The following ARB2A variants were observed in gnomAD, a reference collection of about 807,000 sequenced individuals.
ARB2A encodes ARB2 cotranscriptional regulator A, also known as cotranscriptional regulator ARB2A.
the ARB2A span, among the ~76,000 whole-genome samples, chr5:93,662,694 C>T: frequency 6.6e-6 from 1 of 152,196 alleles, no homozygotes; most frequent in Admixed American, 6.5e-5. Flanking sequence ...ATTACAATTA[C>T]TGTCCCTCCC....
chr5:93,839,596 G>A, the ARB2A span, among the ~76,000 whole-genome samples: 1 of 152,094 alleles, frequency 6.6e-6, no homozygotes, highest in South Asian at 2.1e-4. Flanking sequence ...AAGTAGGAGT[G>A]GTAGCAGCTC....
At chr5:93,884,103 AAG>A in the ARB2A span, among the ~76,000 whole-genome samples, 17 of 151,650 alleles carry the variant, frequency 1.1e-4, no homozygotes, top group African/African-American at 4.1e-4. Context: ...CTCAAGGTAA[AAG>A]AGTGGGACTT....
chr5:93,969,119 C>T, the ARB2A span, among the ~76,000 whole-genome samples: 12 of 142,922 alleles, frequency 8.4e-5, no homozygotes, highest in Non-Finnish European at 1.7e-4. Context: ...TTTGGATCAA[C>T]ACAAAGAAAC....
At chr5:93,929,711 C>A in the ARB2A span, among the ~76,000 whole-genome samples, 4 of 152,006 alleles carry the variant, frequency 2.6e-5, no homozygotes, top group Non-Finnish European at 2.9e-5. Flanking sequence ...CTTTTAGGTA[C>A]AAATTCTCAG....
At chr5:93,909,075 T>C in the ARB2A span, among the ~76,000 whole-genome samples, 6 of 150,970 alleles carry the variant, frequency 4.0e-5, no homozygotes, top group South Asian at 2.1e-4. Context: ...GATAGAGAAA[T>C]TGTGAATAAG....
At chr5:94,089,824 T>C in the ARB2A span, among the ~76,000 whole-genome samples, 2 of 152,208 alleles carry the variant, frequency 1.3e-5, no homozygotes, top group African/African-American at 2.4e-5. Flanking sequence ...ATGGTAGTTA[T>C]ATACTATACA....
At chr5:93,991,407 G>T in the ARB2A span, among the ~76,000 whole-genome samples, 3 of 151,896 alleles carry the variant, frequency 2.0e-5, no homozygotes, top group Non-Finnish European at 2.9e-5. Context: ...AATTACTAGA[G>T]AAATTCACAG....
the ARB2A span, among the ~76,000 whole-genome samples, chr5:93,850,951 T>C: frequency 2.0e-4 from 30 of 152,340 alleles, no homozygotes; most frequent in East Asian, 4.4e-3. Context: ...ATTAAGTATG[T>C]TTACATTAAA....
the ARB2A span, among the ~76,000 whole-genome samples, chr5:93,915,180 C>G: frequency 1.3e-5 from 2 of 151,844 alleles, no homozygotes; most frequent in African/African-American, 4.8e-5. Flanking sequence ...TATCAATGAC[C>G]ACAAGTTTTT....
chr5:93,794,603 AG>A, the ARB2A span, among the ~76,000 whole-genome samples: 168 of 152,286 alleles, frequency 1.1e-3, 1 homozygote, highest in African/African-American at 3.6e-3. Flanking sequence ...TTTGTCCCAC[AG>A]GGTGCTCCCT....
At chr5:94,052,801 A>G in the ARB2A span, among the ~76,000 whole-genome samples, 2 of 152,202 alleles carry the variant, frequency 1.3e-5, no homozygotes, top group Admixed American at 6.5e-5. Context: ...TAATTTAATT[A>G]GGAGTTCAAA....
At chr5:93,738,589 T>G in the ARB2A span, 1 of 152,176 alleles carries the variant, frequency 6.6e-6, no homozygotes, top group African/African-American at 2.4e-5. Flanking sequence ...ATAAACAAAA[T>G]GTGGTATATA....
the ARB2A span, among the ~76,000 whole-genome samples, chr5:93,803,286 T>C: frequency 6.6e-6 from 1 of 152,048 alleles, no homozygotes; most frequent in African/African-American, 2.4e-5. Context: ...TGTTATGTTC[T>C]TTCATGTCTT....
chr5:93,921,642 C>G, the ARB2A span, among the ~76,000 whole-genome samples: 6 of 151,942 alleles, frequency 3.9e-5, no homozygotes, highest in Non-Finnish European at 8.8e-5. Context: ...AAGTGAGCAC[C>G]AGAATTTAAG....
the ARB2A span, among the ~76,000 whole-genome samples, chr5:93,628,125 A>G: frequency 7.7e-6 from 1 of 129,936 alleles, no homozygotes; most frequent in Non-Finnish European, 1.5e-5. Context: ...ATCTTGGCTC[A>G]CTGCAACCTC....
chr5:93,933,419 T>C, the ARB2A span, among the ~76,000 whole-genome samples: 7 of 152,224 alleles, frequency 4.6e-5, no homozygotes, highest in East Asian at 1.2e-3. Flanking sequence ...CCATCAGTGA[T>C]AGACTGAATA....
the ARB2A span, among the ~76,000 whole-genome samples, chr5:93,970,377 T>A: frequency 6.6e-6 from 1 of 151,988 alleles, no homozygotes; most frequent in African/African-American, 2.4e-5. Flanking sequence ...TTCAACCAAA[T>A]AAAATCTTAG....
At chr5:93,727,994 T>A in the ARB2A span, among the ~76,000 whole-genome samples, 20 of 152,076 alleles carry the variant, frequency 1.3e-4, no homozygotes, top group Admixed American at 1.0e-3. Context: ...TTTTAGAAAG[T>A]TTTATAAGGA....
the ARB2A span, chr5:93,737,176 A>T: frequency 6.6e-6 from 1 of 152,200 alleles, no homozygotes; most frequent in African/African-American, 2.4e-5. Flanking sequence ...GAAATGAAGG[A>T]AACTATTCCA....
Sources: allele counts gnomAD v4.1 joint callset (sites outside exome capture counted in the v4.1 genomes callset), GRCh38; gene constraint gnomAD v4.1.1; transcripts MANE v1.5; gene names NCBI Gene and HGNC (gene_info 2026-07-23, HGNC 2026-07-21).